The following SH2D4A variants were observed in gnomAD, a reference collection of about 807,000 sequenced individuals.
The protein encoded by SH2D4A is SH2 domain containing 4A.
In SH2D4A, 70 loss-of-function variants were observed where a neutral mutation model predicts 64.7. The ratio of observed to expected loss-of-function variants is 1.08; its 90% confidence interval spans 0.89 to 1.32. The LOEUF (loss-of-function observed/expected upper bound fraction) is 1.32, where lower values mean the gene tolerates loss of function less well. Among genes scored for constraint, SH2D4A ranks in the 40% most tolerant of loss-of-function variants. The pLI, the probability that SH2D4A is intolerant of heterozygous loss-of-function variation, is 0.00. For synonymous variants in SH2D4A, 268 were observed against 200.7 expected, an observed-to-expected ratio of 1.34 and a Z score of -2.83; for missense variants, 706 against 540.1, an observed-to-expected ratio of 1.31 and a Z score of -3.04.
At position 19,332,970 on chromosome 8, in the gene SH2D4A, T is replaced by C. The variant is rs780432213; in HGVS notation, c.197T>C (p.Val66Ala). The C allele has an allele frequency of 6.2e-7, 1 of 1,610,894 alleles. No homozygotes were observed. The highest frequency in any genetic ancestry group is 8.5e-7 in the Non-Finnish European group (1 of 1,179,354). The change falls in exon 3 of 10, where the codon GTT becomes GCT. Residue 66 changes from valine (V) to alanine (A), a missense_variant. Physicochemically the swap from Val to Ala is moderately conservative, Grantham distance 64 (BLOSUM62 0). Coordinates refer to ENST00000265807, the MANE Select transcript of SH2D4A (RefSeq NM_022071.4). ...PRPKKENGKSVHWKLGADKEV... is the reference protein window; with the variant it reads ...PRPKKENGKSAHWKLGADKEV... ...TTGTTTGCAGAGAATGGCAAATCGG[T>C]TCATTGGAAACTTGGAGCTGATAAG... is the stretch of plus-strand genomic sequence containing the variant.
Position 19,394,543 on chromosome 8 carries a change from T to A in SH2D4A, c.1273-7T>A. ...CACTATCTGACCCCGTGCCTTCTGA[T>A]TGACAGGAGGAACCCATCACTTCCC... is the stretch of plus-strand genomic sequence containing the variant. On this transcript the variant is annotated splice_polypyrimidine_tract_variant and splice_region_variant and intron_variant, in intron 9 of 9. Transcript: ENST00000265807. The A allele has an allele frequency of 2.5e-6, 4 of 1,599,394 alleles. No individual in the cohort carries two copies. Among genetic ancestry groups the A allele is most frequent in the East Asian group, 2.3e-5 (1 of 44,378 alleles).
At chr8:19,323,665 G>C (rs997475367) in intron 2 of SH2D4A, among the ~76,000 whole-genome samples, 3 of 152,208 alleles carry the variant, frequency 2.0e-5, no homozygotes, top group African/African-American at 7.2e-5. Context: ...ACAGGTGTGA[G>C]CCAGGGCACC....
At chr8:19,358,050 C>G (rs975409864) in intron 5 of SH2D4A, among the ~76,000 whole-genome samples, 1 of 152,166 alleles carries the variant, frequency 6.6e-6, no homozygotes, top group African/African-American at 2.4e-5. Context: ...TTCAAGAAAT[C>G]AGGATGAAGT....
chr8:19,374,496 G>A (rs968773955), intron 8 of SH2D4A, among the ~76,000 whole-genome samples: 1 of 152,150 alleles, frequency 6.6e-6, no homozygotes, highest in African/African-American at 2.4e-5. Flanking sequence ...TTATGTTTAA[G>A]GCATCTTTCC....
At chr8:19,364,428 G>A (rs1317827) in intron 7 of SH2D4A, 146 bp downstream of exon 7, 15,678 of 852,130 alleles carry the variant, frequency 0.018, 235 homozygotes, top group East Asian at 0.056. Flanking sequence ...TCATGTCTAA[G>A]CCTTCTTCCT....
At chr8:19,322,204 C>T (rs981675212) in intron 2 of SH2D4A, among the ~76,000 whole-genome samples, 3 of 152,142 alleles carry the variant, frequency 2.0e-5, no homozygotes, top group Non-Finnish European at 2.9e-5. Context: ...AGCCATAGAC[C>T]GTCCAAAGCA....
intron 3 of SH2D4A, among the ~76,000 whole-genome samples, chr8:19,333,736 A>C (rs1450592451): frequency 6.6e-6 from 1 of 152,152 alleles, no homozygotes; most frequent in Non-Finnish European, 1.5e-5. Flanking sequence ...GTACAAACAG[A>C]AAGTTTACCA....
chr8:19,342,187 A>G (rs1315831527), intron 4 of SH2D4A, among the ~76,000 whole-genome samples: 1 of 152,200 alleles, frequency 6.6e-6, no homozygotes, highest in Non-Finnish European at 1.5e-5. Context: ...ACACATCAGG[A>G]TACACTGGAT....
chr8:19,348,017 C>T (rs1407767289), intron 4 of SH2D4A, among the ~76,000 whole-genome samples: 3 of 152,130 alleles, frequency 2.0e-5, no homozygotes, highest in African/African-American at 7.2e-5. Context: ...CTAATGATCA[C>T]AAAAACACGC....
chr8:19,377,084 A>T (rs961027698), intron 8 of SH2D4A, among the ~76,000 whole-genome samples: 2 of 152,170 alleles, frequency 1.3e-5, no homozygotes, highest in Non-Finnish European at 2.9e-5. Context: ...TTTTCTTAAG[A>T]AGTAAAACTT....
At chr8:19,381,743 T>C (rs568522525) in intron 8 of SH2D4A, among the ~76,000 whole-genome samples, 75 of 152,316 alleles carry the variant, frequency 4.9e-4, no homozygotes, top group African/African-American at 1.8e-3. Context: ...TTAGAAGAAA[T>C]GTCATTCAAC....
intron 4 of SH2D4A, among the ~76,000 whole-genome samples, chr8:19,351,126 A>T (rs1289630242): frequency 6.6e-6 from 1 of 152,130 alleles, no homozygotes; most frequent in Non-Finnish European, 1.5e-5. Flanking sequence ...TTAGAAGCAA[A>T]AAGGTAAATC....
Position 19,394,121 on chromosome 8 carries a change from G to A in SH2D4A, c.1273-429G>A, listed in dbSNP as rs1563217680. Among the ~76,000 whole-genome samples the A allele has an allele frequency of 2.0e-5, 3 of 152,144 alleles. 1 individual carries two copies. Among genetic ancestry groups the A allele is most frequent in the Admixed American group, 2.0e-4 (3 of 15,266 alleles). On this transcript the variant is annotated intron_variant, in intron 9 of 9. Transcript: ENST00000265807. ...AGCGCACAACTGAGATCCCTCCCAT[G>A]CACAGTTCACAATAAGGTTTGTGTT...
At chr8:19,384,626 A>ACTTCTGGC (rs2053352483) in intron 8 of SH2D4A, among the ~76,000 whole-genome samples, 1 of 152,214 alleles carries the variant, frequency 6.6e-6, no homozygotes, top group Non-Finnish European at 1.5e-5. Flanking sequence ...GCCAAATTTA[A>ACTTCTGGC]CATCCTGCTG....
chr8:19,376,456 TACTA>T (rs1157900240), intron 8 of SH2D4A, among the ~76,000 whole-genome samples: 1 of 152,034 alleles, frequency 6.6e-6, no homozygotes, highest in African/African-American at 2.4e-5. Context: ...ACCCAATCTC[TACTA>T]AAAATACAAA....
intron 1 of SH2D4A, among the ~76,000 whole-genome samples, chr8:19,317,456 T>C (rs1484142324): frequency 6.6e-6 from 1 of 151,926 alleles, no homozygotes; most frequent in Non-Finnish European, 1.5e-5. Flanking sequence ...TGGATTCTGG[T>C]AGTTGAATGC....
At chr8:19,345,902 G>C (rs1438948806) in intron 4 of SH2D4A, among the ~76,000 whole-genome samples, 5 of 152,220 alleles carry the variant, frequency 3.3e-5, no homozygotes, top group Non-Finnish European at 5.9e-5. Context: ...CACCCTGATA[G>C]CCATGAGAAG....
intron 2 of SH2D4A, 34 bp downstream of exon 2, chr8:19,319,762 T>G: frequency 6.6e-7 from 1 of 1,519,632 alleles, no homozygotes. Context: ...GTGGATGTGT[T>G]GGTAGAACAG....
chr8:19,315,668 C>T (rs955886202), intron 1 of SH2D4A, among the ~76,000 whole-genome samples: 1 of 152,168 alleles, frequency 6.6e-6, no homozygotes, highest in African/African-American at 2.4e-5. Flanking sequence ...AAGAAAGGGG[C>T]TGTGTTAGCT....
Sources: allele counts gnomAD v4.1 joint callset (sites outside exome capture counted in the v4.1 genomes callset), GRCh38; gene constraint gnomAD v4.1.1; transcripts MANE v1.5; gene names NCBI Gene and HGNC (gene_info 2026-07-23, HGNC 2026-07-21).